DIAPH2: variants seen among roughly 807,000 people sequenced by gnomAD.
The protein encoded by DIAPH2 is diaphanous related formin 2.
A neutral mutation model predicts 92.7 loss-of-function variants in DIAPH2; 35 were observed. The ratio of observed to expected loss-of-function variants is 0.38; its 90% CI spans 0.29 to 0.50. DIAPH2 has a LOEUF of 0.50. DIAPH2 is among the 20% of genes least tolerant of loss of function. The pLI, the probability that DIAPH2 is intolerant of heterozygous loss-of-function variation, is 0.94. For missense variants in DIAPH2, 701 were observed against 819.5 expected, an observed-to-expected ratio of 0.86 and a Z score of 1.77; for synonymous variants, 301 against 280.4, an observed-to-expected ratio of 1.07 and a Z score of -0.73.
intron 4 of DIAPH2, among the ~76,000 whole-genome samples, chrX:96,848,114 A>G (rs1432983223): frequency 9.0e-6 from 1 of 110,639 alleles, no homozygotes; most frequent in African/African-American, 3.3e-5. Context: ...ATCATAGCTC[A>G]CTACAGCCTC....
chrX:97,427,044 G>A (rs2070073512), intron 25 of DIAPH2, among the ~76,000 whole-genome samples: 1 of 108,482 alleles, frequency 9.2e-6, no homozygotes, highest in East Asian at 2.9e-4. Flanking sequence ...CGGGCATGGT[G>A]GCAGGCGCCT....
intron 4 of DIAPH2, chrX:96,793,702 T>C (rs1261061234): frequency 8.6e-6 from 3 of 350,843 alleles, no homozygotes; most frequent in Admixed American, 8.3e-5. Flanking sequence ...ACCCTCATGA[T>C]GTCATCTAAA....
chrX:97,291,320 T>C (rs986050534), intron 23 of DIAPH2, among the ~76,000 whole-genome samples: 1 of 110,034 alleles, frequency 9.1e-6, no homozygotes, highest in African/African-American at 3.3e-5. Context: ...ACCTGGGAGG[T>C]AGAGGAGACA....
At chrX:97,161,031 T>G (rs1002721150) in intron 22 of DIAPH2, among the ~76,000 whole-genome samples, 1 of 102,265 alleles carries the variant, frequency 9.8e-6, no homozygotes, top group Non-Finnish European at 2.0e-5. Context: ...CCCTTTAAGG[T>G]TTTTGTTTTT....
intron 20 of DIAPH2, among the ~76,000 whole-genome samples, chrX:97,110,828 A>T (rs1374432553): frequency 9.0e-6 from 1 of 110,578 alleles, no homozygotes; most frequent in Non-Finnish European, 1.9e-5. Flanking sequence ...CTAAAAATAT[A>T]AAAAATTAGC....
At chrX:96,754,923 CAAA>C (rs1007573600) in intron 3 of DIAPH2, among the ~76,000 whole-genome samples, 2 of 16,004 alleles carry the variant, frequency 1.2e-4, no homozygotes, top group Non-Finnish European at 2.1e-4. Context: ...GTCTCCACCT[CAAA>C]AAAAAAAAAA....
intron 17 of DIAPH2, among the ~76,000 whole-genome samples, chrX:97,024,638 C>G (rs963604934): frequency 2.7e-5 from 3 of 112,029 alleles, no homozygotes; most frequent in African/African-American, 6.5e-5. Context: ...TGAATAGATT[C>G]ACTTATATTT....
intron 1 of DIAPH2, among the ~76,000 whole-genome samples, chrX:96,689,095 G>A (rs1019911164): frequency 9.1e-6 from 1 of 109,663 alleles, no homozygotes; most frequent in African/African-American, 3.3e-5. Context: ...GAAGGCTGAA[G>A]AAAATAGGTG....
chrX:97,290,280 A>G (rs2068579299), intron 23 of DIAPH2, among the ~76,000 whole-genome samples: 1 of 111,256 alleles, frequency 9.0e-6, no homozygotes, highest in Non-Finnish European at 1.9e-5. Context: ...GGAGACTATC[A>G]GCAAAGACAA....
At chrX:97,264,989 A>C (rs2068324049) in intron 23 of DIAPH2, among the ~76,000 whole-genome samples, 1 of 111,137 alleles carries the variant, frequency 9.0e-6, no homozygotes, top group Non-Finnish European at 1.9e-5. Context: ...TCAAAAAAAA[A>C]CAACAACAAA....
chrX:97,517,567 G>C (rs2070958840), intron 26 of DIAPH2, among the ~76,000 whole-genome samples: 1 of 111,825 alleles, frequency 8.9e-6, no homozygotes, highest in Non-Finnish European at 1.9e-5. Context: ...GGAATTTGTG[G>C]TGAAATACAA....
chrX:96,711,359 G>C (rs952061067), intron 1 of DIAPH2, among the ~76,000 whole-genome samples: 2 of 111,553 alleles, frequency 1.8e-5, no homozygotes, highest in African/African-American at 6.5e-5. Flanking sequence ...TTGATTTTTA[G>C]ATTATGGCCA....
rs1569355911 is a variant in DIAPH2 at position 97,300,946 on chromosome X, A to AAAAAAAAAAAAAC, written c.2845-47158_2845-47157insCAAAAAAAAAAAA. Among the ~76,000 whole-genome samples the AAAAAAAAAAAAAC allele has an allele frequency of 5.4e-4, 32 of 59,648 alleles. 1 individual carries two copies. The highest frequency in any genetic ancestry group is 1.8e-3 in the African/African-American group (31 of 17,209). The allele number at this position is 59,648 out of a possible 115,157, so 51.8% of individuals were successfully genotyped here. On this transcript the variant is annotated intron_variant, in intron 23 of 26. Coordinates refer to ENST00000324765, the MANE Select transcript of DIAPH2 (RefSeq NM_006729.5). ...GACTCCGTCTTAAAAAAAAAAAAAA[A>AAAAAAAAAAAAAC]AAAAAAAAAAAAAAAAAAAGAAGAA...
chrX:96,706,946 A>T (rs1410775682), intron 1 of DIAPH2, among the ~76,000 whole-genome samples: 2 of 111,288 alleles, frequency 1.8e-5, no homozygotes, highest in African/African-American at 6.5e-5. Context: ...GGGTGGAGGT[A>T]TATCCAAATC....
At chrX:96,774,900 C>T (rs888766405) in intron 4 of DIAPH2, among the ~76,000 whole-genome samples, 4 of 112,054 alleles carry the variant, frequency 3.6e-5, no homozygotes, top group Non-Finnish European at 5.6e-5. Context: ...AATTAAACAT[C>T]GTTTTGTTCA....
rs776188654 is a variant in DIAPH2, at chrX:97,262,926, G to A, written c.2844+15087G>A. Among the ~76,000 whole-genome samples the A allele has an allele frequency of 5.4e-5, 6 of 111,931 alleles. No homozygotes were observed. In the East Asian group the frequency reaches 1.7e-3, roughly 31 times the overall value. ...GGAACTTAAAAGGTACAGCCTATGT[G>A]GTAGGAGGAAGCCAGAAAATTCTGT... On this transcript the variant is annotated intron_variant, in intron 23 of 26. Transcript: ENST00000324765.
chrX:97,025,906 T>C (rs1195274874), intron 17 of DIAPH2, among the ~76,000 whole-genome samples: 1 of 111,830 alleles, frequency 8.9e-6, no homozygotes, highest in African/African-American at 3.3e-5. Context: ...TCTTCCTGTC[T>C]AAATGTTGAT....
At chrX:97,207,415 CGAT>C (rs958100716) in intron 22 of DIAPH2, among the ~76,000 whole-genome samples, 90 of 111,297 alleles carry the variant, frequency 8.1e-4, no homozygotes, top group African/African-American at 2.8e-3. Context: ...GCAAGAATGG[CGAT>C]GATGATGATG....
At chrX:96,767,687 A>G (rs2064312831) in intron 4 of DIAPH2, among the ~76,000 whole-genome samples, 1 of 111,587 alleles carries the variant, frequency 9.0e-6, no homozygotes, top group African/African-American at 3.3e-5. Flanking sequence ...ATTTAAAGGG[A>G]AAAATGGGAT....
Sources: allele counts gnomAD v4.1 joint callset (sites outside exome capture counted in the v4.1 genomes callset), GRCh38; gene constraint gnomAD v4.1.1; transcripts MANE v1.5; gene names NCBI Gene and HGNC (gene_info 2026-07-23, HGNC 2026-07-21).